Variants in BOLL observed in about 807,000 individuals in gnomAD.
The protein encoded by BOLL is boule RNA binding protein, also known as protein boule-like.
Under a neutral mutation model 44.4 loss-of-function variants are expected in BOLL, and 23 were observed. The observed-to-expected ratio is 0.52, with a 90% CI of 0.37 to 0.73. The LOEUF (loss-of-function observed/expected upper bound fraction) is 0.73. BOLL is among the 30% of genes least tolerant of loss of function. BOLL has a pLI of 0.00. For synonymous variants in BOLL, 97 were observed against 110.8 expected (o/e 0.88, Z 0.78); for missense variants, 287 against 338.3 (o/e 0.85, Z 1.19).
At chr2:197,786,042 G>T (rs759920185), upstream of BOLL, 1 of 1,605,526 alleles carries the variant, frequency 6.2e-7, no homozygotes, top group Non-Finnish European at 8.5e-7. The surrounding 1 kb of genome is among the most constrained non-coding windows in gnomAD (Gnocchi z 5.9). Context: ...GTAGGGAAAA[G>T]AAGCCTAAAG....
At chr2:197,785,448 T>C (rs1249451355), upstream of BOLL, 8 of 922,910 alleles carry the variant, frequency 8.7e-6, no homozygotes, top group Admixed American at 5.9e-5. The surrounding 1 kb of genome is among the most constrained non-coding windows in gnomAD (Gnocchi z 6.7). Context: ...AAGTCCACCC[T>C]GACTGGCTTG....
intron 6 of BOLL, 135 bp downstream of exon 6, chr2:197,771,720 G>T: frequency 9.4e-7 from 1 of 1,060,172 alleles, no homozygotes; most frequent in Non-Finnish European, 1.3e-6. Context: ...GTGGCAAAAT[G>T]TTGATGTCTA....
At chr2:197,729,847 A>G (rs1212723144) in intron 10 of BOLL, among the ~76,000 whole-genome samples, 5 of 151,868 alleles carry the variant, frequency 3.3e-5, no homozygotes, top group South Asian at 2.1e-4. Context: ...AGTAGATAAA[A>G]CCACAAAGAT....
chr2:197,781,523 C>G (rs1044793910), intron 2 of BOLL, among the ~76,000 whole-genome samples, 199 bp downstream of exon 2: 4 of 152,120 alleles, frequency 2.6e-5, no homozygotes, highest in African/African-American at 9.7e-5. Flanking sequence ...GGATCAATTT[C>G]TTTATATCTG....
chr2:197,766,319 G>A (rs1688996835), intron 7 of BOLL, among the ~76,000 whole-genome samples: 1 of 152,000 alleles, frequency 6.6e-6, no homozygotes, highest in Admixed American at 6.6e-5. Flanking sequence ...CCTATTCTCT[G>A]TAACCTCGCC....
rs1686884737 is a variant in BOLL at position 197,727,150 on chromosome 2, A to G, written c.*1405T>C. 6.6e-6 allele frequency: 1 copy of G among 152,322 alleles called. No homozygotes were observed. Among genetic ancestry groups the G allele is most frequent in the Non-Finnish European group, 1.5e-5 (1 of 68,028 alleles). The allele number at this position is 152,322 out of a possible 1,614,324, so 9.4% of individuals were successfully genotyped here. ...TCCTTGTATGCTAGTATACATTCAT[A>G]AGGTTCTACTGTTCTCATGAAGCCA... is the stretch of plus-strand genomic sequence containing the variant. On this transcript the variant is annotated 3_prime_UTR_variant, in exon 11 of 11. Transcript: ENST00000392296.
chr2:197,749,606 T>G (rs1688144029), intron 9 of BOLL, among the ~76,000 whole-genome samples: 1 of 151,566 alleles, frequency 6.6e-6, no homozygotes, highest in Admixed American at 6.6e-5. Flanking sequence ...TATCAATAGC[T>G]GAATTGATCA....
At chr2:197,740,484 A>G (rs555914739) in intron 10 of BOLL, among the ~76,000 whole-genome samples, 1 of 152,282 alleles carries the variant, frequency 6.6e-6, no homozygotes, top group African/African-American at 2.4e-5. Context: ...CATAGTAGAT[A>G]GTCAAAATAT....
intron 9 of BOLL, among the ~76,000 whole-genome samples, chr2:197,750,327 C>T (rs1441373587): frequency 1.3e-5 from 2 of 152,152 alleles, no homozygotes; most frequent in Non-Finnish European, 2.9e-5. Flanking sequence ...GGGCTAAACG[C>T]CCCAATTAAA....
At chr2:197,767,388 A>C (rs1689046374) in intron 6 of BOLL, among the ~76,000 whole-genome samples, 1 of 152,036 alleles carries the variant, frequency 6.6e-6, no homozygotes, top group Non-Finnish European at 1.5e-5. Flanking sequence ...AGTTTTGTAC[A>C]ATTCACAGAC....
At chr2:197,780,605 A>T (rs1487164302) in intron 2 of BOLL, among the ~76,000 whole-genome samples, 1 of 152,032 alleles carries the variant, frequency 6.6e-6, no homozygotes, top group Non-Finnish European at 1.5e-5. Context: ...AATTTTTCTT[A>T]CTTTATTTTT....
intron 9 of BOLL, among the ~76,000 whole-genome samples, chr2:197,749,095 G>A (rs1215825783): frequency 6.6e-6 from 1 of 152,220 alleles, no homozygotes; most frequent in African/African-American, 2.4e-5. Flanking sequence ...CAGGCAAACA[G>A]GGTCTGGGGT....
At chr2:197,734,945 A>G (rs1289164554) in intron 10 of BOLL, among the ~76,000 whole-genome samples, 1 of 152,134 alleles carries the variant, frequency 6.6e-6, no homozygotes, top group African/African-American at 2.4e-5. Flanking sequence ...CCTAAAACTT[A>G]AAGTATAATA....
At chr2:197,741,960 C>G (rs575999993) in intron 10 of BOLL, among the ~76,000 whole-genome samples, 1 of 152,080 alleles carries the variant, frequency 6.6e-6, no homozygotes, top group Admixed American at 6.6e-5. Context: ...TGAACTCAAA[C>G]AAATTTACAA....
At chr2:197,771,824 T>C in intron 6 of BOLL, 31 bp downstream of exon 6, 2 of 1,516,106 alleles carry the variant, frequency 1.3e-6, no homozygotes, top group Non-Finnish European at 8.9e-7. Flanking sequence ...TAGTAATAGA[T>C]GGAAATCCTT....
intron 9 of BOLL, among the ~76,000 whole-genome samples, chr2:197,745,455 G>C (rs758015689): frequency 1.5e-4 from 23 of 152,070 alleles, no homozygotes; most frequent in Non-Finnish European, 2.4e-4. Context: ...ATAAGATAAT[G>C]ATGGGCAATA....
chr2:197,729,313 T>C (rs1426987999), intron 10 of BOLL, among the ~76,000 whole-genome samples: 1 of 152,198 alleles, frequency 6.6e-6, no homozygotes, highest in African/African-American at 2.4e-5. Context: ...CGGAGGGTCC[T>C]ACGCCCACGG....
intron 1 of BOLL, among the ~76,000 whole-genome samples, chr2:197,784,392 A>G (rs1325602802): frequency 0.018 from 2 of 114 alleles, no homozygotes; most frequent in Non-Finnish European, 0.062. Context: ...AGTCTAATAC[A>G]TATATATATA....
chr2:197,747,348 C>T (rs542204812), intron 9 of BOLL, among the ~76,000 whole-genome samples: 52 of 152,154 alleles, frequency 3.4e-4, no homozygotes, highest in African/African-American at 1.1e-3. Context: ...CTTTGGGAGG[C>T]CGAGGCAGGC....
Sources: allele counts gnomAD v4.1 joint callset (sites outside exome capture counted in the v4.1 genomes callset), GRCh38; gene constraint gnomAD v4.1.1; non-coding constraint Gnocchi (gnomAD v3.1); transcripts MANE v1.5; gene names NCBI Gene and HGNC (gene_info 2026-07-23, HGNC 2026-07-21).